CYP2B6: variants seen among roughly 807,000 people sequenced by gnomAD.
CYP2B6 encodes the protein cytochrome P450 family 2 subfamily B member 6.
In CYP2B6, 35 loss-of-function variants were observed where a neutral mutation model predicts 43.4. The observed-to-expected ratio is 0.81, with a 90% CI of 0.62 to 1.07. The LOEUF is 1.07. Among genes scored for constraint, CYP2B6 ranks in the 50% least tolerant of loss-of-function variants. The pLI, the probability that CYP2B6 is intolerant of heterozygous loss-of-function variation, is 0.00. For synonymous variants in CYP2B6, 239 were observed against 239.2 expected (o/e 1.00, Z 0.01); for missense variants, 624 against 632.8 (o/e 0.99, Z 0.15).
intron 1 of CYP2B6, among the ~76,000 whole-genome samples, chr19:40,994,426 T>A (rs1968969408): frequency 6.6e-6 from 1 of 152,190 alleles, no homozygotes; most frequent in Admixed American, 6.5e-5. Context: ...GTGGGAAACT[T>A]ACTTTTTTGT....
At chr19:41,000,854 C>A (rs1016951265) in intron 1 of CYP2B6, among the ~76,000 whole-genome samples, 8 of 151,990 alleles carry the variant, frequency 5.3e-5, no homozygotes, top group African/African-American at 9.7e-5. Context: ...ACCTGACCAA[C>A]ATGGAGAAAC....
intron 1 of CYP2B6, among the ~76,000 whole-genome samples, chr19:40,998,381 T>C (rs1969029399): frequency 6.6e-6 from 1 of 152,126 alleles, no homozygotes; most frequent in Non-Finnish European, 1.5e-5. Flanking sequence ...AGCAAAACTG[T>C]CAATGAAATT....
intron 1 of CYP2B6, among the ~76,000 whole-genome samples, chr19:40,997,622 C>A (rs756689320): frequency 6.6e-6 from 1 of 152,080 alleles, no homozygotes; most frequent in Non-Finnish European, 1.5e-5. Flanking sequence ...TTATCTTAGA[C>A]ACTTAGTCAA....
intron 8 of CYP2B6, among the ~76,000 whole-genome samples, chr19:41,013,839 T>C (rs1261336511): frequency 1.1e-3 from 172 of 152,232 alleles, no homozygotes; most frequent in African/African-American, 4.0e-3. Context: ...GAGAGCTCCA[T>C]CCAGCAATGT....
rs377382467 is a variant in CYP2B6, at chr19:40,992,816, G to A, written c.171+1340G>A. ...ATTACATGTGTGAGCCACCGCACCC[G>A]GCCAAGACTCTTGAGAAAATACAAC... On this transcript the variant is annotated intron_variant, in intron 1 of 8. Transcript: ENST00000324071. 3.0e-4 allele frequency among the ~76,000 whole-genome samples: 46 copies of A among 152,168 alleles called. 1 individual carries two copies. The highest frequency in any genetic ancestry group is 2.7e-3 in the South Asian group (13 of 4,824).
chr19:40,995,669 T>C (rs1470389527), intron 1 of CYP2B6, among the ~76,000 whole-genome samples: 1 of 152,202 alleles, frequency 6.6e-6, no homozygotes, highest in African/African-American at 2.4e-5. Flanking sequence ...ATTAGGGGCA[T>C]AGGCCCTCTA....
At chr19:41,014,199 C>G (rs181606977) in intron 8 of CYP2B6, among the ~76,000 whole-genome samples, 192 of 152,240 alleles carry the variant, frequency 1.3e-3, no homozygotes, top group African/African-American at 4.5e-3. Flanking sequence ...CGGTTTTGCG[C>G]AGTACAGTGA....
chr19:41,016,669 G>A lies in CYP2B6; in HGVS notation c.1318G>A (p.Gly440Ser). The change falls in exon 9 of 9, where the codon GGC becomes AGC. Residue 440 changes from glycine (G) to serine (S), a missense_variant. Physicochemically the swap from Gly to Ser is moderately conservative, Grantham distance 56 (BLOSUM62 0). Transcript: ENST00000324071. ...SLGKRICLGE[G>S]IARAELFLFF... is the part of the protein sequence containing the mutation. ...AGGGAAGCGGATTTGTCTTGGTGAA[G>A]GCATCGCCCGTGCGGAATTGTTCCT... 6.2e-7 allele frequency: 1 copy of A among 1,614,180 alleles called. No individual in the cohort carries two copies. Among genetic ancestry groups the A allele is most frequent in the Non-Finnish European group, 8.5e-7 (1 of 1,180,008 alleles).
At chr19:40,993,932 T>C (rs1203630829) in intron 1 of CYP2B6, among the ~76,000 whole-genome samples, 1 of 152,110 alleles carries the variant, frequency 6.6e-6, no homozygotes, top group Non-Finnish European at 1.5e-5. Context: ...TTAAGCGTTT[T>C]TGTTGCCACA....
In CYP2B6 at chr19:40,992,201, C is replaced by CAAAAAAAAAA. The variant is rs561830421; in HGVS notation, c.171+736_171+745dup. Reference sequence around the variant, plus strand: ...TGGGTGACAGAGTGAGACTCCTTCTCAAAAAAAAAAAAAAAAAAAAGAATA... The same window carrying CAAAAAAAAAA: ...TGGGTGACAGAGTGAGACTCCTTCTCAAAAAAAAAAAAAAAAAAAAAAAAAAAAAAGAATA... On this transcript the variant is annotated intron_variant, in intron 1 of 8. Transcript: ENST00000324071. Among the ~76,000 whole-genome samples, 13 of 62,588 alleles carry CAAAAAAAAAA rather than the reference C, an allele frequency of 2.1e-4. 1 individual carries two copies. The highest frequency in any genetic ancestry group is 5.4e-4 in the African/African-American group (10 of 18,392). 41.1% of individuals were successfully genotyped at this position (62,588 alleles called of 152,430 possible).
chr19:41,016,724 C>A lies in CYP2B6; in HGVS notation c.1373C>A (p.Ser458Tyr). 3.1e-6 allele frequency: 5 copies of A among 1,614,236 alleles called. No individual in the cohort carries two copies. Among genetic ancestry groups the A allele is most frequent in the Non-Finnish European group, 4.2e-6 (5 of 1,180,038 alleles). The change falls in exon 9 of 9, where the codon TCC (serine) becomes TAC (tyrosine). Residue 458 changes from serine to tyrosine, a missense_variant. By Grantham distance (144) the Ser-to-Tyr change is moderately radical. Transcript: ENST00000324071. ...TTCACCACCATCCTCCAGAACTTCT[C>A]CATGGCCAGCCCCGTGGCCCCAGAA... is the stretch of plus-strand genomic sequence containing the variant. Reference protein sequence around the residue: ...LFFTTILQNFSMASPVAPEDI... With the variant: ...LFFTTILQNFYMASPVAPEDI...
rs1465250220 is a variant in CYP2B6, at chr19:41,016,719, C to T, written c.1368C>T (p.Asn456=). ...LFLFFTTILQ[N]FSMASPVAPE... ...TCTTCTTCACCACCATCCTCCAGAA[C>T]TTCTCCATGGCCAGCCCCGTGGCCC... Residue 456 remains asparagine, a synonymous_variant, in exon 9 of 9, where the codon AAC becomes AAT. Transcript: ENST00000324071. The T allele has an allele frequency of 6.2e-7, 1 of 1,614,246 alleles. No individual in the cohort carries two copies.
At chr19:41,011,426 T>G (rs892222220) in intron 6 of CYP2B6, among the ~76,000 whole-genome samples, 2 of 152,260 alleles carry the variant, frequency 1.3e-5, no homozygotes, top group African/African-American at 4.8e-5. Flanking sequence ...CATTAGTGAT[T>G]AATTAATCAA....
At chr19:41,007,175 A>AGAAACGCAGACAT in intron 4 of CYP2B6, 110 bp downstream of exon 4, 1 of 1,087,166 alleles carries the variant, frequency 9.2e-7, no homozygotes, top group Non-Finnish European at 1.4e-6. Flanking sequence ...TATCCTTGGA[A>AGAAACGCAGACAT]GAAACGCAGA....
At chr19:41,009,180 C>A (rs1432364190) in intron 4 of CYP2B6, 39 bp from the exon 5 acceptor site, 3 of 1,575,346 alleles carry the variant, frequency 1.9e-6, no homozygotes, top group Non-Finnish European at 1.7e-6. Flanking sequence ...CCTGCTAGCT[C>A]AGCCCTAGGC....
intron 1 of CYP2B6, among the ~76,000 whole-genome samples, chr19:41,002,061 GGGA>G (rs540383343): frequency 7.9e-5 from 12 of 152,078 alleles, no homozygotes; most frequent in Non-Finnish European, 1.6e-4. Flanking sequence ...AGGAATGAGT[GGGA>G]GGAGAAGTCA....
intron 1 of CYP2B6, among the ~76,000 whole-genome samples, chr19:40,992,289 T>C (rs1048172492): frequency 6.6e-6 from 1 of 151,956 alleles, no homozygotes; most frequent in African/African-American, 2.4e-5. Flanking sequence ...TTAATTTAAT[T>C]AAACAATTCT....
In CYP2B6 at chr19:41,016,823, G is replaced by T. The variant is rs148520554; in HGVS notation, c.1472G>T (p.Arg491Leu). The change falls in exon 9 of 9, where the codon CGC (arginine) becomes CTC (leucine). Residue 491 changes from arginine to leucine, a missense_variant. Coordinates refer to ENST00000324071, the MANE Select transcript of CYP2B6 (RefSeq NM_000767.5). ...PPTYQIRFLPR is the reference protein window; with the variant it reads ...PPTYQIRFLPL ...ACATACCAGATCCGCTTCCTGCCCC[G>T]CTGAAGGGGCTGAGGGAAGGGGGTC... The T allele has an allele frequency of 6.2e-7, 1 of 1,613,552 alleles. No homozygotes were observed. The highest frequency in any genetic ancestry group is 8.5e-7 in the Non-Finnish European group (1 of 1,179,684).
intron 4 of CYP2B6, chr19:41,007,368 C>A (rs1192334109): frequency 5.6e-5 from 23 of 411,096 alleles, no homozygotes; most frequent in Non-Finnish European, 3.6e-5. Context: ...TTCTGAGAGA[C>A]AGAGTTGATG....
Sources: allele counts gnomAD v4.1 joint callset (sites outside exome capture counted in the v4.1 genomes callset), GRCh38; gene constraint gnomAD v4.1.1; transcripts MANE v1.5; gene names NCBI Gene and HGNC (gene_info 2026-07-23, HGNC 2026-07-21).